Variants in ARHGAP21 observed in about 807,000 individuals in gnomAD.
ARHGAP21 encodes the protein rho GTPase-activating protein 21.
Under a neutral mutation model 164.6 loss-of-function variants are expected in ARHGAP21, and 38 were observed. The ratio of observed to expected loss-of-function variants is 0.23; its 90% CI spans 0.18 to 0.30. ARHGAP21 has a LOEUF of 0.30. Among genes scored for constraint, ARHGAP21 ranks in the 10% least tolerant of loss-of-function variants. ARHGAP21 has a pLI of 1.00. For missense variants in ARHGAP21, 1,822 were observed against 2,370.7 expected (o/e 0.77, Z 4.81); for synonymous variants, 766 against 857.9 (o/e 0.89, Z 1.87).
chr10:24,611,968 A>C (rs762314408), intron 9 of ARHGAP21, among the ~76,000 whole-genome samples: 30 of 152,230 alleles, frequency 2.0e-4, no homozygotes, highest in Non-Finnish European at 3.4e-4. Context: ...CATAACACCC[A>C]ATGTCCACTG....
At chr10:24,655,942 C>T (rs1480283649) in intron 4 of ARHGAP21, among the ~76,000 whole-genome samples, 2 of 110,562 alleles carry the variant, frequency 1.8e-5, no homozygotes, top group African/African-American at 3.9e-5. Flanking sequence ...TCTGCCCGGC[C>T]ACCCCGTCTG....
intron 21 of ARHGAP21, among the ~76,000 whole-genome samples, chr10:24,592,755 A>T (rs1274133066): frequency 6.6e-6 from 1 of 152,064 alleles, no homozygotes; most frequent in East Asian, 1.9e-4. Context: ...AGAAAAAAAA[A>T]ACAAAAAACT....
intron 7 of ARHGAP21, among the ~76,000 whole-genome samples, chr10:24,623,406 C>T (rs983654271): frequency 3.3e-5 from 5 of 152,030 alleles, no homozygotes; most frequent in African/African-American, 1.2e-4. Flanking sequence ...TCTTGTTAAC[C>T]TATAATAAAT....
chr10:24,709,832 C>A (rs1844602976), intron 2 of ARHGAP21, among the ~76,000 whole-genome samples: 1 of 151,720 alleles, frequency 6.6e-6, no homozygotes, highest in African/African-American at 2.4e-5. Context: ...CACACAGACA[C>A]AGAAGTCCTC....
chr10:24,681,895 T>C (rs1166373668), intron 2 of ARHGAP21, among the ~76,000 whole-genome samples: 1 of 152,062 alleles, frequency 6.6e-6, no homozygotes, highest in African/African-American at 2.4e-5. Flanking sequence ...GATGGCATGC[T>C]TGGGGGGAAG....
intron 4 of ARHGAP21, among the ~76,000 whole-genome samples, chr10:24,654,930 C>T (rs1056790830): frequency 2.6e-5 from 4 of 152,178 alleles, no homozygotes; most frequent in African/African-American, 9.7e-5. Context: ...AGATATAGAT[C>T]AATGGAACAG....
At chr10:24,682,707 T>G (rs1468440340) in intron 2 of ARHGAP21, among the ~76,000 whole-genome samples, 1 of 152,094 alleles carries the variant, frequency 6.6e-6, no homozygotes, top group Non-Finnish European at 1.5e-5. Context: ...TTTTTTTTTT[T>G]GTCAATAAAG....
intron 13 of ARHGAP21, 129 bp downstream of exon 13, chr10:24,601,849 C>G: frequency 2.6e-6 from 3 of 1,149,114 alleles, no homozygotes; most frequent in Non-Finnish European, 3.4e-6. Flanking sequence ...GTAGAAAAAT[C>G]TATTTATAAA....
chr10:24,637,713 A>G (rs1029250653), intron 4 of ARHGAP21, among the ~76,000 whole-genome samples: 2 of 152,184 alleles, frequency 1.3e-5, no homozygotes, highest in African/African-American at 4.8e-5. Flanking sequence ...TGAAATGACT[A>G]CCATTGTAAA....
chr10:24,643,119 C>T lies in ARHGAP21; in HGVS notation c.269-8016G>A, dbSNP rs73606531. On this transcript the variant is annotated intron_variant, in intron 4 of 25. Coordinates refer to ENST00000396432, the MANE Select transcript of ARHGAP21 (RefSeq NM_020824.4). ...AAAATTTTCTGGCATTATGAACTAT[C>T]CAGGCAAGAAAGACTGTGGATGGGT... Among the ~76,000 whole-genome samples, 908 of 152,266 alleles carry T rather than the reference C, an allele frequency of 6.0e-3. 12 individuals are homozygous for T. The highest frequency in any genetic ancestry group is 0.02 in the African/African-American group (837 of 41,532).
At chr10:24,671,153 C>T (rs1593239769) in intron 2 of ARHGAP21, among the ~76,000 whole-genome samples, 1 of 152,190 alleles carries the variant, frequency 6.6e-6, no homozygotes, top group African/African-American at 2.4e-5. Flanking sequence ...CTTCAATTCA[C>T]TCCTTTACCC....
rs2076320706 is a variant in ARHGAP21 at position 24,591,347 on chromosome 10, A to T, written c.4045-17T>A. Reference sequence around the variant, plus strand: ...CACTGTTGTCTATGGTTAATAAACAAAGATCTCTTCATCATCTCTTCAAAG... The same window carrying T: ...CACTGTTGTCTATGGTTAATAAACATAGATCTCTTCATCATCTCTTCAAAG... On this transcript the variant is annotated splice_polypyrimidine_tract_variant and intron_variant, in intron 23 of 25. Coordinates refer to ENST00000396432, the MANE Select transcript of ARHGAP21 (RefSeq NM_020824.4). 6.3e-7 allele frequency: 1 copy of T among 1,578,096 alleles called. No individual in the cohort carries two copies. The highest frequency in any genetic ancestry group is 1.4e-5 in the African/African-American group (1 of 73,702).
chr10:24,631,244 A>C (rs1473529179), intron 6 of ARHGAP21, among the ~76,000 whole-genome samples: 4 of 152,170 alleles, frequency 2.6e-5, no homozygotes, highest in Non-Finnish European at 5.9e-5. Flanking sequence ...GGTGCCTGTA[A>C]TCCCAGCTTC....
At chr10:24,606,514 G>GT (rs1303441938) in intron 11 of ARHGAP21, among the ~76,000 whole-genome samples, 1 of 152,216 alleles carries the variant, frequency 6.6e-6, no homozygotes, top group Non-Finnish European at 1.5e-5. Context: ...GTGTTAGAGT[G>GT]TAACAGCAGA....
At chr10:24,623,755 T>A (rs1834811286) in intron 7 of ARHGAP21, among the ~76,000 whole-genome samples, 1 of 152,216 alleles carries the variant, frequency 6.6e-6, no homozygotes, top group South Asian at 2.1e-4. Context: ...GGCAAGCTTT[T>A]TGATTTCTCA....
At chr10:24,678,597 T>C (rs1245727661) in intron 2 of ARHGAP21, among the ~76,000 whole-genome samples, 3 of 152,164 alleles carry the variant, frequency 2.0e-5, no homozygotes, top group Non-Finnish European at 2.9e-5. Flanking sequence ...CCTCCAATGA[T>C]CAAGCAATCC....
chr10:24,635,372 C>G (rs1424802369), intron 4 of ARHGAP21, among the ~76,000 whole-genome samples: 2 of 152,184 alleles, frequency 1.3e-5, no homozygotes, highest in South Asian at 4.1e-4. Context: ...ACACTAAATA[C>G]TGTATCTCAG....
rs150245089 is a variant in ARHGAP21, at chr10:24,666,535, T to C, written c.268+450A>G. On this transcript the variant is annotated intron_variant, in intron 4 of 25. Coordinates refer to ENST00000396432, the MANE Select transcript of ARHGAP21 (RefSeq NM_020824.4). ...AGAAATAATTTTATCTCCAGCCTGA[T>C]TGTCCTTTTACGTTCATTAATGTTT... is the stretch of plus-strand genomic sequence containing the variant. Among the ~76,000 whole-genome samples the C allele has an allele frequency of 2.8e-3, 429 of 152,358 alleles. 3 individuals are homozygous for C. Among genetic ancestry groups the C allele is most frequent in the Middle Eastern group, 0.024 (7 of 294 alleles).
intron 24 of ARHGAP21, chr10:24,590,088 G>C: frequency 2.1e-6 from 2 of 942,834 alleles, no homozygotes; most frequent in Non-Finnish European, 2.7e-6. Context: ...CAATTTTGAA[G>C]TTTCATCTTT....
Sources: allele counts gnomAD v4.1 joint callset (sites outside exome capture counted in the v4.1 genomes callset), GRCh38; gene constraint gnomAD v4.1.1; transcripts MANE v1.5; gene names NCBI Gene and HGNC (gene_info 2026-07-23, HGNC 2026-07-21).